The following MAGI2 variants were observed in gnomAD, a reference collection of about 807,000 sequenced individuals.
The protein encoded by MAGI2 is membrane-associated guanylate kinase, WW and PDZ domain-containing protein 2.
Under a neutral mutation model 133.3 loss-of-function variants are expected in MAGI2, and 35 were observed. That is an observed-to-expected ratio of 0.26 (90% CI 0.20 to 0.35). The LOEUF (loss-of-function observed/expected upper bound fraction) is 0.35. Among genes scored for constraint, MAGI2 ranks in the 10% least tolerant of loss-of-function variants. The probability of loss-of-function intolerance (pLI) is 1.00; values close to 1 mark genes in which losing one functional copy is unlikely to be tolerated. For synonymous variants in MAGI2, 729 were observed against 710.6 expected (o/e 1.03, Z -0.41); for missense variants, 1,636 against 1,863.4 (o/e 0.88, Z 2.25).
chr7:78,198,215 C>G (rs904836194), intron 11 of MAGI2, among the ~76,000 whole-genome samples: 5 of 152,116 alleles, frequency 3.3e-5, no homozygotes, highest in Non-Finnish European at 7.4e-5. Context: ...CACACCCAGG[C>G]CAATGTTTAT....
At chr7:78,539,486 G>GTT (rs140182793) in intron 3 of MAGI2, among the ~76,000 whole-genome samples, 14 of 150,642 alleles carry the variant, frequency 9.3e-5, no homozygotes, top group African/African-American at 2.7e-4. Context: ...TTGTTTTTTT[G>GTT]TTTTTTTGTG....
chr7:78,860,269 A>G (rs1794043073), intron 2 of MAGI2, among the ~76,000 whole-genome samples: 1 of 152,166 alleles, frequency 6.6e-6, no homozygotes, highest in Admixed American at 6.5e-5. Context: ...TTCTCCATCC[A>G]GATTTGTTCC....
intron 18 of MAGI2, among the ~76,000 whole-genome samples, chr7:78,130,981 C>T (rs1821501088): frequency 6.6e-6 from 1 of 152,200 alleles, no homozygotes; most frequent in Non-Finnish European, 1.5e-5. Context: ...CAGGGATGAG[C>T]TCACCCACTC....
At chr7:78,998,165 C>A (rs1296803378) in intron 2 of MAGI2, among the ~76,000 whole-genome samples, 1 of 152,150 alleles carries the variant, frequency 6.6e-6, no homozygotes, top group Non-Finnish European at 1.5e-5. Flanking sequence ...CTGGTTTTAT[C>A]CAGAACTGCA....
At chr7:79,318,603 T>C (rs1370496155) in intron 1 of MAGI2, among the ~76,000 whole-genome samples, 2 of 152,188 alleles carry the variant, frequency 1.3e-5, no homozygotes, top group African/African-American at 4.8e-5. Context: ...TCCGACCTAA[T>C]ATATTAGGCA....
intron 2 of MAGI2, among the ~76,000 whole-genome samples, chr7:78,844,294 C>T (rs181486807): frequency 6.6e-6 from 1 of 151,712 alleles, no homozygotes; most frequent in African/African-American, 2.4e-5. Flanking sequence ...TCCATCTATC[C>T]ACTCCTAGGT....
intron 3 of MAGI2, among the ~76,000 whole-genome samples, chr7:78,590,863 G>A (rs1584761871): frequency 6.6e-6 from 1 of 152,202 alleles, no homozygotes; most frequent in Non-Finnish European, 1.5e-5. Context: ...TTTCCCTAAA[G>A]TAGTTCCAAA....
intron 2 of MAGI2, among the ~76,000 whole-genome samples, chr7:78,963,216 G>C (rs562581060): frequency 6.6e-6 from 1 of 152,234 alleles, no homozygotes; most frequent in African/African-American, 2.4e-5. Context: ...TTGTGACAGA[G>C]AATGTCTGGC....
chr7:78,519,874 T>C (rs1231473893), intron 4 of MAGI2, among the ~76,000 whole-genome samples: 1 of 152,204 alleles, frequency 6.6e-6, no homozygotes, highest in Non-Finnish European at 1.5e-5. Context: ...GCTTCTTTTG[T>C]GGTTATTGCT....
intron 14 of MAGI2, among the ~76,000 whole-genome samples, chr7:78,169,166 T>C (rs1825886806): frequency 6.6e-6 from 1 of 152,342 alleles, no homozygotes; most frequent in Non-Finnish European, 1.5e-5. Context: ...CAGTTTAGTG[T>C]GCATTAGCAG....
intron 1 of MAGI2, among the ~76,000 whole-genome samples, chr7:79,393,909 CAG>C (rs1478964094): frequency 6.6e-6 from 1 of 152,176 alleles, no homozygotes; most frequent in Non-Finnish European, 1.5e-5. Flanking sequence ...CCAAGAAAAA[CAG>C]AGCCAGGTCT....
rs557594415 is a variant in MAGI2 at position 79,185,726 on chromosome 7, A to G, written c.302-178520T>C. Among the ~76,000 whole-genome samples, 3 of 151,948 alleles carry G rather than the reference A, an allele frequency of 2.0e-5. No individual in the cohort carries two copies. In the South Asian group the frequency reaches 6.2e-4, roughly 31 times the overall value. The stretch of plus-strand genomic sequence containing the variant: ...GCAAAGAACAACATCGTGTTGAAAC[A>G]TGCTCAAGGACAGGCATTTCAAAGA... On this transcript the variant is annotated intron_variant, in intron 1 of 21. Coordinates refer to ENST00000354212, the MANE Select transcript of MAGI2 (RefSeq NM_012301.4).
chr7:78,819,614 G>A (rs1789911510), intron 2 of MAGI2, among the ~76,000 whole-genome samples: 1 of 151,946 alleles, frequency 6.6e-6, no homozygotes, highest in Non-Finnish European at 1.5e-5. Context: ...AGAGACAGAG[G>A]GGAAAAGAGA....
At chr7:78,435,944 T>A (rs1202369412) in intron 6 of MAGI2, among the ~76,000 whole-genome samples, 2 of 152,152 alleles carry the variant, frequency 1.3e-5, no homozygotes, top group African/African-American at 4.8e-5. Context: ...TTGCACATTC[T>A]CAAAGCAGAG....
chr7:79,381,880 C>A (rs10260651), intron 1 of MAGI2, among the ~76,000 whole-genome samples: 3,211 of 151,778 alleles, frequency 0.021, 99 homozygotes, highest in African/African-American at 0.075. Context: ...TTAGTTGTAA[C>A]AAAGCACATT....
intron 6 of MAGI2, among the ~76,000 whole-genome samples, chr7:78,459,687 A>T (rs946589358): frequency 2.0e-5 from 3 of 152,234 alleles, no homozygotes; most frequent in African/African-American, 7.2e-5. Context: ...CTCTTACTCA[A>T]ATGTTTTTCA....
intron 1 of MAGI2, among the ~76,000 whole-genome samples, chr7:79,154,159 G>A (rs946547387): frequency 6.6e-6 from 1 of 152,218 alleles, no homozygotes; most frequent in East Asian, 1.9e-4. Context: ...CTTTCAACAG[G>A]TGAAAGTTAG....
At chr7:78,169,148 G>A (rs1039394464) in intron 14 of MAGI2, among the ~76,000 whole-genome samples, 5 of 152,216 alleles carry the variant, frequency 3.3e-5, no homozygotes, top group African/African-American at 1.2e-4. Context: ...TGTCCCATTA[G>A]AGGCACTCAG....
chr7:78,177,928 G>T, intron 14 of MAGI2, 83 bp downstream of exon 14: 1 of 958,890 alleles, frequency 1.0e-6, no homozygotes, highest in Non-Finnish European at 1.6e-6. Context: ...TTTCCTTTTA[G>T]ATATCACACT....
Sources: allele counts gnomAD v4.1 joint callset (sites outside exome capture counted in the v4.1 genomes callset), GRCh38; gene constraint gnomAD v4.1.1; transcripts MANE v1.5; gene names NCBI Gene and HGNC (gene_info 2026-07-23, HGNC 2026-07-21).